GPR26: variants seen among roughly 807,000 people sequenced by gnomAD.
GPR26 encodes G protein-coupled receptor 26.
A neutral mutation model predicts 23.1 loss-of-function variants in GPR26; 15 were observed. That is an observed-to-expected ratio of 0.65 (90% confidence interval 0.43 to 1.00). The LOEUF (loss-of-function observed/expected upper bound fraction) is 1.00. GPR26 is among the 50% of genes least tolerant of loss of function. The pLI, the probability that GPR26 is intolerant of heterozygous loss-of-function variation, is 0.00. For synonymous variants in GPR26, 228 were observed against 222.1 expected, an observed-to-expected ratio of 1.03 and a Z score of -0.24; for missense variants, 359 against 470.5, an observed-to-expected ratio of 0.76 and a Z score of 2.19.
At chr10:123,672,575 A>G (rs1296327383) in intron 1 of GPR26, among the ~76,000 whole-genome samples, 1 of 152,208 alleles carries the variant, frequency 6.6e-6, no homozygotes, top group Non-Finnish European at 1.5e-5. Context: ...CCTTTGGCAC[A>G]GTCTCTGGTT....
rs1334630356 is a variant in GPR26, at chr10:123,693,297, G to T, written c.*5137G>T. ...AATCTATCTAATTGTTTTAGTGTGT[G>T]AGGCTCATTGTCAGCCTAGATTTCC... On this transcript the variant is annotated 3_prime_UTR_variant, in exon 3 of 3. Transcript: ENST00000284674. The T allele has an allele frequency of 6.6e-6, 1 of 152,350 alleles. No individual in the cohort carries two copies. The highest frequency in any genetic ancestry group is 1.9e-4 in the East Asian group (1 of 5,176). The allele number at this position is 152,350 out of a possible 1,614,324, so 9.4% of individuals were successfully genotyped here.
intron 2 of GPR26, among the ~76,000 whole-genome samples, chr10:123,684,597 C>T (rs540249623): frequency 3.3e-5 from 5 of 152,348 alleles, no homozygotes; most frequent in African/African-American, 7.2e-5. Context: ...ACCCATTCCC[C>T]GAGCTCCTGG....
chr10:123,688,375 G>A lies in GPR26; in HGVS notation c.*215G>A, dbSNP rs1019855551. ...TATTTGTCACCAAAGGATGACTGTA[G>A]GCCGTGTGCTGGCCTTTCTTTCTAA... is the stretch of plus-strand genomic sequence containing the variant. On this transcript the variant is annotated 3_prime_UTR_variant, in exon 3 of 3. Coordinates refer to ENST00000284674, the MANE Select transcript of GPR26 (RefSeq NM_153442.4). 7.0e-6 allele frequency: 4 copies of A among 572,904 alleles called. No individual in the cohort carries two copies. The highest frequency in any genetic ancestry group is 5.6e-5 in the African/African-American group (3 of 53,332). The allele number at this position is 572,904 out of a possible 1,614,324, so 35.5% of individuals were successfully genotyped here.
chr10:123,677,404 T>A (rs888084584), intron 2 of GPR26, among the ~76,000 whole-genome samples: 8 of 152,136 alleles, frequency 5.3e-5, no homozygotes, highest in East Asian at 1.9e-4. Context: ...GTACAAAATA[T>A]GTCTGGCAGA....
Position 123,668,254 on chromosome 10 carries a change from C to T in GPR26, c.668+1179C>T, listed in dbSNP as rs182019259. Reference sequence around the variant, plus strand: ...CTGAGCATTCTGAGTATTTCCTGCACGAGAGCAGTAACAAGCAGTCCTTGA... The same window carrying T: ...CTGAGCATTCTGAGTATTTCCTGCATGAGAGCAGTAACAAGCAGTCCTTGA... On this transcript the variant is annotated intron_variant, in intron 1 of 2. Coordinates refer to ENST00000284674, the MANE Select transcript of GPR26 (RefSeq NM_153442.4). 7.7e-4 allele frequency among the ~76,000 whole-genome samples: 117 copies of T among 152,272 alleles called. 1 individual carries two copies. In the South Asian group the frequency reaches 0.02, roughly 26 times the overall value.
At chr10:123,676,331 C>T (rs1367239630) in intron 2 of GPR26, among the ~76,000 whole-genome samples, 2 of 152,116 alleles carry the variant, frequency 1.3e-5, no homozygotes, top group African/African-American at 4.8e-5. Context: ...TGGAGCAGAA[C>T]TATTGGTTCT....
At chr10:123,682,103 G>A (rs1353556627) in intron 2 of GPR26, among the ~76,000 whole-genome samples, 1 of 152,128 alleles carries the variant, frequency 6.6e-6, no homozygotes, top group South Asian at 2.1e-4. Context: ...GTATGTTTTC[G>A]GCCTGATTTC....
In GPR26 at chr10:123,693,166, C is replaced by T. The variant is rs996562241; in HGVS notation, c.*5006C>T. 2 of 152,272 alleles carry T rather than the reference C, an allele frequency of 1.3e-5. No individual in the cohort carries two copies. The highest frequency in any genetic ancestry group is 2.9e-5 in the Non-Finnish European group (2 of 68,090). 9.4% of individuals were successfully genotyped at this position (152,272 alleles called of 1,614,324 possible). On this transcript the variant is annotated 3_prime_UTR_variant, in exon 3 of 3. Coordinates refer to ENST00000284674, the MANE Select transcript of GPR26 (RefSeq NM_153442.4). ...CTTGCTTGGGAAGGAATTCTCCAGA[C>T]TCCTTTTACTTTGTATGTGTTTCTA... is the stretch of plus-strand genomic sequence containing the variant.
At chr10:123,669,929 G>A (rs1451734462) in intron 1 of GPR26, among the ~76,000 whole-genome samples, 1 of 152,222 alleles carries the variant, frequency 6.6e-6, no homozygotes, top group East Asian at 1.9e-4. Context: ...TGAATGAGCA[G>A]CATTCACTTC....
intron 1 of GPR26, among the ~76,000 whole-genome samples, chr10:123,671,893 A>C (rs972518945): frequency 6.6e-6 from 1 of 152,224 alleles, no homozygotes; most frequent in Admixed American, 6.5e-5. Flanking sequence ...CAAGGAGCTC[A>C]GTTTTGCAAA....
rs774115068 is a variant in GPR26 at position 123,688,283 on chromosome 10, T to C, written c.*123T>C. ...TCCCTGGCATGCCCAGTGATCCTGGTTCCCTGGCTTGTAGGGGCTCCAGAG... is the reference window on the plus strand; with the variant it reads ...TCCCTGGCATGCCCAGTGATCCTGGCTCCCTGGCTTGTAGGGGCTCCAGAG... On this transcript the variant is annotated 3_prime_UTR_variant, in exon 3 of 3. Coordinates refer to ENST00000284674, the MANE Select transcript of GPR26 (RefSeq NM_153442.4). 1.6e-5 allele frequency: 11 copies of C among 673,214 alleles called. No individual in the cohort carries two copies. The highest frequency in any genetic ancestry group is 2.9e-5 in the Non-Finnish European group (11 of 384,782). 41.7% of individuals were successfully genotyped at this position (673,214 alleles called of 1,614,324 possible). A position where few individuals can be genotyped will look rare whatever the true frequency, so the allele number is the denominator to read the frequency against.
chr10:123,674,984 C>T lies in GPR26; in HGVS notation c.782+53C>T. 2 of 1,134,790 alleles carry T rather than the reference C, an allele frequency of 1.8e-6. No individual in the cohort carries two copies. The highest frequency in any genetic ancestry group is 2.6e-6 in the Non-Finnish European group (2 of 756,614). 70.3% of individuals were successfully genotyped at this position (1,134,790 alleles called of 1,614,324 possible). ...GGACTTTGAAGAGTAAGGCAGGGCCCAGTGACCTTTAGCAGTGGCAGCCTC... is the reference window on the plus strand; with the variant it reads ...GGACTTTGAAGAGTAAGGCAGGGCCTAGTGACCTTTAGCAGTGGCAGCCTC... On this transcript the variant is annotated intron_variant, in intron 2 of 2. Coordinates refer to ENST00000284674, the MANE Select transcript of GPR26 (RefSeq NM_153442.4). This position sits in a 1 kb window ranked among gnomAD's most constrained non-coding sequence, Gnocchi z 4.1.
At chr10:123,671,577 G>A (rs1216432455) in intron 1 of GPR26, among the ~76,000 whole-genome samples, 1 of 152,182 alleles carries the variant, frequency 6.6e-6, no homozygotes, top group African/African-American at 2.4e-5. Flanking sequence ...GAACGTACCT[G>A]ACCGGGTTGC....
rs1283152527 is a variant in GPR26 at position 123,666,629 on chromosome 10, G to A, written c.222G>A (p.Ala74=). Residue 74 remains alanine, a synonymous_variant, in exon 1 of 3, where the codon GCG becomes GCA. Transcript: ENST00000284674. ...LAGVVAQRQP[A]GDRLCRLAAF... is the part of the protein sequence containing the mutation. ...GCGTCGTGGCGCAGCGGCAGCCGGC[G>A]GGCGACCGCCTGTGCCGCCTGGCTG... is the stretch of plus-strand genomic sequence containing the variant. The A allele has an allele frequency of 1.9e-6, 3 of 1,590,406 alleles. No individual in the cohort carries two copies. Among genetic ancestry groups the A allele is most frequent in the Admixed American group, 1.7e-5 (1 of 58,154 alleles).
At position 123,686,215 on chromosome 10, in the gene GPR26, T is replaced by C. The variant is rs115627675; in HGVS notation, c.783-1714T>C. Among the ~76,000 whole-genome samples the C allele has an allele frequency of 3.4e-3, 516 of 152,308 alleles. 1 individual carries two copies. The highest frequency in any genetic ancestry group is 0.012 in the African/African-American group (480 of 41,570). ...CTGAATTTAGCAAGGTATAAAAAAC[T>C]ATAGACATTTTGAAAAAGCAATTTG... On this transcript the variant is annotated intron_variant, in intron 2 of 2. Transcript: ENST00000284674.
intron 2 of GPR26, among the ~76,000 whole-genome samples, 180 bp from the exon 3 acceptor site, chr10:123,687,749 A>G (rs1391376142): frequency 6.6e-6 from 1 of 152,236 alleles, no homozygotes; most frequent in Non-Finnish European, 1.5e-5. Flanking sequence ...AGCCTGATGA[A>G]TGTTCACCAT....
At chr10:123,672,418 C>T (rs1845261813) in intron 1 of GPR26, among the ~76,000 whole-genome samples, 1 of 152,110 alleles carries the variant, frequency 6.6e-6, no homozygotes. Context: ...GTGTAGACAC[C>T]CTTTGGGCTC....
intron 1 of GPR26, among the ~76,000 whole-genome samples, chr10:123,668,624 A>C (rs1013774857): frequency 2.6e-5 from 4 of 152,220 alleles, no homozygotes; most frequent in Non-Finnish European, 5.9e-5. Flanking sequence ...CCTTCAAGGA[A>C]ATATTTGCAG....
intron 2 of GPR26, among the ~76,000 whole-genome samples, chr10:123,684,190 G>A (rs1845407839): frequency 1.3e-5 from 2 of 152,170 alleles, no homozygotes; most frequent in African/African-American, 4.8e-5. Flanking sequence ...AAGTCATCTT[G>A]TGCTCAGTGG....
Sources: gnomAD v4.1 joint callset for allele counts (sites outside exome capture counted in the v4.1 genomes callset) on GRCh38, gnomAD v4.1.1 for gene constraint, Gnocchi (gnomAD v3.1) non-coding constraint, MANE v1.5 for transcripts, NCBI Gene and HGNC (gene_info 2026-07-23, HGNC 2026-07-21) for gene names.